The following ABCA13 variants were observed in gnomAD, a reference collection of about 807,000 sequenced individuals.
ABCA13 encodes the protein ATP binding cassette subfamily A member 13, also known as ATP-binding cassette sub-family A member 13.
A neutral mutation model predicts 478.7 loss-of-function variants in ABCA13; 476 were observed. The ratio of observed to expected loss-of-function variants is 0.99; its 90% CI spans 0.92 to 1.07. The LOEUF is 1.07. Among genes scored for constraint, ABCA13 ranks in the 50% least tolerant of loss-of-function variants. The probability of loss-of-function intolerance (pLI) is 0.00; values close to 1 mark genes in which losing one functional copy is unlikely to be tolerated. For synonymous variants in ABCA13, 2,252 were observed against 2,158.9 expected (o/e 1.04, Z -1.20); for missense variants, 6,060 against 5,910.6 (o/e 1.03, Z -0.83).
chr7:48,567,288 A>G (rs918564683), intron 55 of ABCA13, among the ~76,000 whole-genome samples: 5 of 152,194 alleles, frequency 3.3e-5, no homozygotes, highest in African/African-American at 1.2e-4. Context: ...TGAAGTAGAA[A>G]GATACTGAGT....
intron 55 of ABCA13, among the ~76,000 whole-genome samples, chr7:48,552,548 G>T (rs958057682): frequency 1.4e-4 from 20 of 148,082 alleles, no homozygotes; most frequent in Non-Finnish European, 2.5e-4. Context: ...GTTTTACTTT[G>T]TACTTCCTTT....
At chr7:48,395,822 T>G (rs570732504) in intron 38 of ABCA13, among the ~76,000 whole-genome samples, 1 of 152,364 alleles carries the variant, frequency 6.6e-6, no homozygotes, top group African/African-American at 2.4e-5. Context: ...TTTACATTAT[T>G]GGCAAGGCCT....
At chr7:48,350,553 C>T in intron 29 of ABCA13, 90 bp from the exon 30 acceptor site, 2 of 1,350,292 alleles carry the variant, frequency 1.5e-6, no homozygotes, top group Non-Finnish European at 2.0e-6. Flanking sequence ...TATTCATTTT[C>T]AAATCCATTT....
chr7:48,491,550 A>T (rs899161130), intron 48 of ABCA13, among the ~76,000 whole-genome samples: 16 of 152,244 alleles, frequency 1.1e-4, no homozygotes, highest in Admixed American at 7.8e-4. Flanking sequence ...ATGGAAAATT[A>T]AAGTAGAAGG....
At chr7:48,601,496 C>G (rs890494720) in intron 58 of ABCA13, among the ~76,000 whole-genome samples, 1 of 152,146 alleles carries the variant, frequency 6.6e-6, no homozygotes. Context: ...ATTTGTGTTA[C>G]TTTGCTGAGA....
At position 48,278,349 on chromosome 7, in the gene ABCA13, T is replaced by C; in HGVS notation, c.7155T>C (p.Phe2385=). Residue 2385 remains phenylalanine (F), a synonymous_variant, in exon 18 of 62, where the codon TTT becomes TTC. Coordinates refer to ENST00000435803, the MANE Select transcript of ABCA13 (RefSeq NM_152701.5). ...MKNKTENNID[F]FTVVSQLFFH... is the part of the protein sequence containing the mutation. ...ATAAGACTGAAAATAATATAGACTTTTTCACAGTGGTGAGTCAGTTGTTTT... is the reference window on the plus strand; with the variant it reads ...ATAAGACTGAAAATAATATAGACTTCTTCACAGTGGTGAGTCAGTTGTTTT... The C allele has an allele frequency of 6.2e-7, 1 of 1,613,482 alleles. No individual in the cohort carries two copies. The highest frequency in any genetic ancestry group is 8.5e-7 in the Non-Finnish European group (1 of 1,179,616).
intron 16 of ABCA13, among the ~76,000 whole-genome samples, chr7:48,271,569 G>A (rs149493653): frequency 4.0e-4 from 61 of 152,124 alleles, no homozygotes; most frequent in African/African-American, 1.4e-3. Context: ...TTTCTTTTTG[G>A]TGGTAGGAAA....
chr7:48,460,170 G>A (rs2043394), intron 43 of ABCA13, among the ~76,000 whole-genome samples: 28,545 of 152,054 alleles, frequency 0.19, 3,107 homozygotes, highest in African/African-American at 0.29. Flanking sequence ...GTGGCCAGTC[G>A]GTGCCCACTG....
In ABCA13 at chr7:48,412,359, G is replaced by T; in HGVS notation, c.12235G>T (p.Val4079Phe). The T allele has an allele frequency of 6.2e-7, 1 of 1,611,466 alleles. No individual in the cohort carries two copies. The highest frequency in any genetic ancestry group is 8.5e-7 in the Non-Finnish European group (1 of 1,178,756). ...TCCTTTTTTTTATGGATAGCCTTCT[G>T]TTCTGGAGGCCCATGATCTGAAAGA... is the stretch of plus-strand genomic sequence containing the variant. ...LRLTLTRQPS[V>F]LEAHDLKDMA... Residue 4079 changes from valine (V) to phenylalanine (F), a missense_variant, in exon 41 of 62, where the codon GTT becomes TTT. By Grantham distance (50) the Val-to-Phe change is conservative. Coordinates refer to ENST00000435803, the MANE Select transcript of ABCA13 (RefSeq NM_152701.5).
At chr7:48,187,390 T>C (rs1325599720) in intron 1 of ABCA13, among the ~76,000 whole-genome samples, 1 of 151,752 alleles carries the variant, frequency 6.6e-6, no homozygotes, top group Non-Finnish European at 1.5e-5. Flanking sequence ...TGAAATATAG[T>C]ATACTCTTTC....
At chr7:48,471,409 T>C in intron 44 of ABCA13, 121 bp from the exon 45 acceptor site, 1 of 850,948 alleles carries the variant, frequency 1.2e-6, no homozygotes, top group African/African-American at 1.7e-5. Context: ...CTCTGCCTTC[T>C]CGGCAGTGGG....
At chr7:48,412,324 G>C in intron 40 of ABCA13, 29 bp from the exon 41 acceptor site, 1 of 1,551,926 alleles carries the variant, frequency 6.4e-7, no homozygotes, top group Non-Finnish European at 8.8e-7. Context: ...TTCCTTACTG[G>C]CTTCTTTTTT....
At chr7:48,256,728 T>C (rs1364030466) in intron 15 of ABCA13, among the ~76,000 whole-genome samples, 2 of 152,214 alleles carry the variant, frequency 1.3e-5, no homozygotes, top group Non-Finnish European at 2.9e-5. Flanking sequence ...AGCCATGTAG[T>C]ATAGTTTGGA....
At chr7:48,438,735 CCT>C (rs1823180825) in intron 42 of ABCA13, among the ~76,000 whole-genome samples, 1 of 151,896 alleles carries the variant, frequency 6.6e-6, no homozygotes, top group African/African-American at 2.4e-5. Context: ...TTATCGCTCT[CCT>C]CTCTCATTTT....
intron 23 of ABCA13, among the ~76,000 whole-genome samples, chr7:48,300,353 G>C (rs1279577787): frequency 6.6e-6 from 1 of 152,226 alleles, no homozygotes; most frequent in Non-Finnish European, 1.5e-5. Flanking sequence ...TGACAGGCAT[G>C]GTCCCAAAAA....
chr7:48,535,463 G>C (rs960370013), intron 55 of ABCA13, among the ~76,000 whole-genome samples: 1 of 152,250 alleles, frequency 6.6e-6, no homozygotes, highest in African/African-American at 2.4e-5. Flanking sequence ...TTTGTTTAGT[G>C]TGCTGGTTTT....
intron 55 of ABCA13, among the ~76,000 whole-genome samples, chr7:48,529,100 G>A (rs956775568): frequency 4.6e-5 from 7 of 152,170 alleles, no homozygotes; most frequent in Non-Finnish European, 8.8e-5. Context: ...CTGCACCTGT[G>A]TGGTAGTGTG....
At chr7:48,231,249 A>G (rs1158564852) in intron 7 of ABCA13, among the ~76,000 whole-genome samples, 2 of 151,922 alleles carry the variant, frequency 1.3e-5, no homozygotes, top group African/African-American at 4.8e-5. Context: ...AATAAAAAAC[A>G]AACAAACAAA....
chr7:48,601,935 T>A (rs565578075), intron 58 of ABCA13, among the ~76,000 whole-genome samples: 4 of 152,364 alleles, frequency 2.6e-5, no homozygotes, highest in African/African-American at 9.6e-5. Context: ...TGAGATGGTA[T>A]CTCATTGTGG....
Sources: allele counts gnomAD v4.1 joint callset (sites outside exome capture counted in the v4.1 genomes callset), GRCh38; gene constraint gnomAD v4.1.1; transcripts MANE v1.5; gene names NCBI Gene and HGNC (gene_info 2026-07-23, HGNC 2026-07-21).